The following ZNF831 variants were observed in gnomAD, a reference collection of about 807,000 sequenced individuals.
ZNF831 encodes the protein chromosome 20 open reading frame 174.
Under a neutral mutation model 95.8 loss-of-function variants are expected in ZNF831, and 59 were observed. That is an observed-to-expected ratio of 0.62 (90% confidence interval 0.50 to 0.77). The LOEUF (loss-of-function observed/expected upper bound fraction) is 0.77, where lower values mean the gene tolerates loss of function less well. ZNF831 is among the 30% of genes least tolerant of loss of function. The pLI is 0.00. For synonymous variants in ZNF831, 961 were observed against 925.5 expected (o/e 1.04, Z -0.70); for missense variants, 2,205 against 2,164.0 (o/e 1.02, Z -0.38).
rs1983955631 is a variant in ZNF831 at position 59,194,734 on chromosome 20, G to C, written c.3715G>C (p.Gly1239Arg). The C allele has an allele frequency of 1.3e-6, 2 of 1,577,268 alleles. No homozygotes were observed. The highest frequency in any genetic ancestry group is 4.5e-5 in the East Asian group (2 of 44,662). Reference protein sequence around the residue: ...GGWTWTSPGEGGPAQMSKFSY... With the variant: ...GGWTWTSPGERGPAQMSKFSY... ...ATGGACCTGGACAAGCCCTGGAGAA[G>C]GAGGGCCGGCGCAGATGTCCAAGGT... The change falls in exon 2 of 6, where the codon GGA (glycine) becomes CGA (arginine). Residue 1239 changes from glycine to arginine, a missense_variant. Gly to Arg is a moderately radical substitution (Grantham distance 125, BLOSUM62 -2). Transcript: ENST00000371030.
At chr20:59,204,280 A>G (rs1204987866) in intron 3 of ZNF831, among the ~76,000 whole-genome samples, 1 of 152,230 alleles carries the variant, frequency 6.6e-6, no homozygotes, top group African/African-American at 2.4e-5. Flanking sequence ...TTTAGTCATC[A>G]CACAATTTAC....
At chr20:59,153,369 C>T (rs555068093) in intron 2 of ZNF831, among the ~76,000 whole-genome samples, 1 of 152,216 alleles carries the variant, frequency 6.6e-6, no homozygotes, top group Non-Finnish European at 1.5e-5. Context: ...GGTCAGGGCC[C>T]GATTTCTGTT....
intron 1 of ZNF831, among the ~76,000 whole-genome samples, chr20:59,164,773 T>C (rs1282848399): frequency 1.3e-5 from 2 of 152,284 alleles, no homozygotes; most frequent in African/African-American, 4.8e-5. Flanking sequence ...GACTTCCCAG[T>C]ATCCAAAATA....
At chr20:59,159,430 G>A (rs1262760299), upstream of ZNF831, among the ~76,000 whole-genome samples, 1 of 152,152 alleles carries the variant, frequency 6.6e-6, no homozygotes, top group African/African-American at 2.4e-5. Context: ...TCAAAAACGG[G>A]GTGGATGCAT....
At chr20:59,180,645 T>C (rs984981696) in intron 1 of ZNF831, among the ~76,000 whole-genome samples, 6 of 152,172 alleles carry the variant, frequency 3.9e-5, no homozygotes, top group African/African-American at 1.4e-4. Flanking sequence ...TGTTCCTGTG[T>C]TAGTTTGCTG....
chr20:59,181,171 T>G (rs1015603693), intron 1 of ZNF831, among the ~76,000 whole-genome samples: 2 of 152,216 alleles, frequency 1.3e-5, no homozygotes, highest in Non-Finnish European at 2.9e-5. Flanking sequence ...CATAAATTGT[T>G]TTCTTTTGAG....
chr20:59,173,297 G>A (rs1188213933), intron 1 of ZNF831, among the ~76,000 whole-genome samples: 1 of 152,132 alleles, frequency 6.6e-6, no homozygotes, highest in South Asian at 2.1e-4. Context: ...TTTTAATTCA[G>A]TAACTTGCAC....
rs1424603676 is a variant in ZNF831 at position 59,191,702 on chromosome 20, G to T, written c.683G>T (p.Gly228Val). ...GCCGGAGAGCCCCCCAGACCAGAGG[G>T]CAGGGGCGAGAGCAGGTGCCAGGGG... ...DKAGEPPRPE[G>V]RGESRCQGMH... Residue 228 changes from glycine (G) to valine (V), a missense_variant, in exon 2 of 6, where the codon GGC becomes GTC. By Grantham distance (109) the Gly-to-Val change is moderately radical. Transcript: ENST00000371030. 6.4e-7 allele frequency: 1 copy of T among 1,567,560 alleles called. No homozygotes were observed. The highest frequency in any genetic ancestry group is 1.2e-5 in the South Asian group (1 of 83,346).
intron 4 of ZNF831, among the ~76,000 whole-genome samples, chr20:59,226,182 A>G (rs771199583): frequency 9.2e-5 from 14 of 152,158 alleles, no homozygotes; most frequent in South Asian, 2.1e-4. Context: ...TATATTGAGG[A>G]GGGATGTTCT....
chr20:59,192,960 G>A lies in ZNF831; in HGVS notation c.1941G>A (p.Glu647=), dbSNP rs1983735967. The A allele has an allele frequency of 1.3e-6, 2 of 1,597,970 alleles. No individual in the cohort carries two copies. Among genetic ancestry groups the A allele is most frequent in the South Asian group, 1.1e-5 (1 of 87,510 alleles). The part of the protein sequence containing the change: ...ASPHGGKKAR[E]VGMGSGAELG... ...CCCATGGAGGCAAGAAAGCCAGGGAGGTGGGAATGGGCAGTGGGGCAGAAC... is the reference window on the plus strand; with the variant it reads ...CCCATGGAGGCAAGAAAGCCAGGGAAGTGGGAATGGGCAGTGGGGCAGAAC... Residue 647 remains glutamate, a synonymous_variant, in exon 2 of 6, where the codon GAG becomes GAA. Transcript: ENST00000371030. The surrounding 1 kb of genome is among the most constrained non-coding windows in gnomAD (Gnocchi z 5.2).
In ZNF831 at chr20:59,192,869, A is replaced by G. The variant is rs1359988691; in HGVS notation, c.1850A>G (p.Gln617Arg). The change falls in exon 2 of 6, where the codon CAG (glutamine) becomes CGG (arginine). Residue 617 changes from glutamine (Q) to arginine (R), a missense_variant. Physicochemically the swap from Gln to Arg is conservative, Grantham distance 43. Coordinates refer to ENST00000371030, the MANE Select transcript of ZNF831 (RefSeq NM_178457.3). The surrounding 1 kb of genome is among the most constrained non-coding windows in gnomAD (Gnocchi z 5.2). ...CAGAGAAGGCTGAAGATGTTCTCCCAGGAGAAGTGGCAGGTGTACGGGGAT... is the reference window on the plus strand; with the variant it reads ...CAGAGAAGGCTGAAGATGTTCTCCCGGGAGAAGTGGCAGGTGTACGGGGAT... ...CGQRRLKMFSQEKWQVYGDET... is the reference protein window; with the variant it reads ...CGQRRLKMFSREKWQVYGDET... 5.6e-6 allele frequency: 9 copies of G among 1,601,218 alleles called. No individual in the cohort carries two copies. The highest frequency in any genetic ancestry group is 2.7e-5 in the African/African-American group (2 of 74,720).
chr20:59,135,186 C>T (rs546562866), intron 1 of ZNF831, among the ~76,000 whole-genome samples: 1 of 152,310 alleles, frequency 6.6e-6, no homozygotes, highest in South Asian at 2.1e-4. Flanking sequence ...ACAAATTTAG[C>T]AGCTTGAAGC....
chr20:59,186,286 C>CA (rs1156434729), intron 1 of ZNF831, among the ~76,000 whole-genome samples: 1 of 152,124 alleles, frequency 6.6e-6, no homozygotes, highest in Non-Finnish European at 1.5e-5. Flanking sequence ...CTCAGGAACC[C>CA]ACCCCGAGAC....
At position 59,194,719 on chromosome 20, in the gene ZNF831, A is replaced by T. The variant is rs76525136; in HGVS notation, c.3700A>T (p.Thr1234Ser). Residue 1234 changes from threonine to serine, a missense_variant, in exon 2 of 6, where the codon ACA becomes TCA. Coordinates refer to ENST00000371030, the MANE Select transcript of ZNF831 (RefSeq NM_178457.3). ...TGGGAGCAATGGAGGATGGACCTGG[A>T]CAAGCCCTGGAGAAGGAGGGCCGGC... ...PPGSNGGWTW[T>S]SPGEGGPAQM... 1.1e-3 allele frequency: 1,694 copies of T among 1,594,060 alleles called. 16 individuals are homozygous for T. The African/African-American group carries it at 0.019, about 17-fold the overall frequency.
chr20:59,173,602 A>G (rs908739980), intron 1 of ZNF831, among the ~76,000 whole-genome samples: 2 of 152,218 alleles, frequency 1.3e-5, no homozygotes, highest in Non-Finnish European at 2.9e-5. Context: ...ACCACAGGTG[A>G]TGGCTTTATT....
chr20:59,239,078 G>A (rs1367933182), intron 4 of ZNF831, among the ~76,000 whole-genome samples: 1 of 152,212 alleles, frequency 6.6e-6, no homozygotes, highest in Non-Finnish European at 1.5e-5. Context: ...AAAGCATGTA[G>A]ATATGACAAT....
At chr20:59,253,254 A>C in intron 5 of ZNF831, 116 bp downstream of exon 5, 2 of 1,175,656 alleles carry the variant, frequency 1.7e-6, no homozygotes, top group Non-Finnish European at 2.4e-6. Context: ...CCTTATGAAG[A>C]TTCGTGGCAC....
At chr20:59,164,432 A>G (rs1328428047) in intron 1 of ZNF831, among the ~76,000 whole-genome samples, 1 of 152,252 alleles carries the variant, frequency 6.6e-6, no homozygotes, top group Admixed American at 6.5e-5. Context: ...GTCAGAAACC[A>G]GGTCCACAAT....
intron 1 of ZNF831, among the ~76,000 whole-genome samples, chr20:59,190,770 C>T (rs1008691853): frequency 6.6e-6 from 1 of 152,244 alleles, no homozygotes; most frequent in Non-Finnish European, 1.5e-5. Context: ...CGCTTTGCCA[C>T]ATGTCAGCTT....
Sources: gnomAD v4.1 joint callset for allele counts (sites outside exome capture counted in the v4.1 genomes callset) on GRCh38, gnomAD v4.1.1 for gene constraint, Gnocchi (gnomAD v3.1) non-coding constraint, MANE v1.5 for transcripts, NCBI Gene and HGNC (gene_info 2026-07-23, HGNC 2026-07-21) for gene names.